PLCB1: variants seen among roughly 807,000 people sequenced by gnomAD.
PLCB1 encodes the protein phospholipase C beta 1, also known as 1-phosphatidylinositol 4,5-bisphosphate phosphodiesterase beta-1.
Under a neutral mutation model 161.8 loss-of-function variants are expected in PLCB1, and 46 were observed. That is an observed-to-expected ratio of 0.28 (90% CI 0.22 to 0.36). The LOEUF is 0.36. PLCB1 is among the 10% of genes least tolerant of loss of function. The probability of loss-of-function intolerance (pLI) is 1.00; values close to 1 mark genes in which losing one functional copy is unlikely to be tolerated. For synonymous variants in PLCB1, 517 were observed against 503.7 expected (o/e 1.03, Z -0.35); for missense variants, 1,016 against 1,472.5 (o/e 0.69, Z 5.07).
At chr20:8,549,590 T>G (rs1985701837) in intron 3 of PLCB1, among the ~76,000 whole-genome samples, 1 of 151,958 alleles carries the variant, frequency 6.6e-6, no homozygotes, top group Non-Finnish European at 1.5e-5. Flanking sequence ...TCTCATGAGG[T>G]CTATGTTTTT....
intron 2 of PLCB1, among the ~76,000 whole-genome samples, chr20:8,339,845 T>G (rs1002534658): frequency 2.6e-5 from 4 of 152,222 alleles, no homozygotes; most frequent in African/African-American, 9.6e-5. Flanking sequence ...GGCTCATGCC[T>G]GTAATCTCAG....
At chr20:8,365,168 A>G (rs1278578016) in intron 2 of PLCB1, among the ~76,000 whole-genome samples, 1 of 152,162 alleles carries the variant, frequency 6.6e-6, no homozygotes, top group African/African-American at 2.4e-5. Context: ...TGGCATCTGC[A>G]CCTGTGTTTG....
chr20:8,628,000 G>T (rs1201574490), intron 3 of PLCB1, among the ~76,000 whole-genome samples: 1 of 152,180 alleles, frequency 6.6e-6, no homozygotes, highest in Admixed American at 6.5e-5. Context: ...TTTATGGGAT[G>T]ATTGAAGGAA....
intron 3 of PLCB1, among the ~76,000 whole-genome samples, chr20:8,484,048 G>A (rs1183419408): frequency 6.6e-6 from 1 of 152,144 alleles, no homozygotes; most frequent in African/African-American, 2.4e-5. Flanking sequence ...TTTTTGAGAA[G>A]GAATTTTGCT....
At chr20:8,657,977 C>T (rs954918632) in intron 8 of PLCB1, among the ~76,000 whole-genome samples, 5 of 152,092 alleles carry the variant, frequency 3.3e-5, no homozygotes, top group African/African-American at 1.2e-4. Flanking sequence ...TCATTGCCAT[C>T]ATATATTTAC....
intron 3 of PLCB1, among the ~76,000 whole-genome samples, chr20:8,387,212 T>C (rs139647500): frequency 1.9e-3 from 287 of 152,352 alleles, no homozygotes; most frequent in African/African-American, 6.7e-3. Flanking sequence ...ATCTTGGCTT[T>C]TGACACGCCT....
intron 3 of PLCB1, among the ~76,000 whole-genome samples, chr20:8,385,790 G>A (rs1014770392): frequency 5.3e-5 from 8 of 152,178 alleles, no homozygotes; most frequent in African/African-American, 1.9e-4. Context: ...CTCTCAGGTG[G>A]ACCACCACAC....
intron 2 of PLCB1, among the ~76,000 whole-genome samples, chr20:8,338,836 T>A (rs906533948): frequency 3.3e-5 from 5 of 152,186 alleles, no homozygotes; most frequent in Admixed American, 1.3e-4. Flanking sequence ...AAATACCCAG[T>A]GATGACTATT....
intron 3 of PLCB1, among the ~76,000 whole-genome samples, chr20:8,480,282 C>T (rs1407928775): frequency 5.0e-5 from 7 of 141,304 alleles, no homozygotes. Context: ...TGATTAAGCT[C>T]ATATCCACCA....
At chr20:8,632,568 G>A (rs571877006) in intron 4 of PLCB1, among the ~76,000 whole-genome samples, 2 of 152,278 alleles carry the variant, frequency 1.3e-5, no homozygotes, top group East Asian at 1.9e-4. Context: ...TAGGGATGGA[G>A]AGTGCAGTGG....
chr20:8,146,654 CT>C (rs1217214826), intron 1 of PLCB1, among the ~76,000 whole-genome samples: 2 of 151,892 alleles, frequency 1.3e-5, no homozygotes, highest in Non-Finnish European at 2.9e-5. Context: ...TCCAGTGACT[CT>C]TTTTTTTCTT....
intron 2 of PLCB1, among the ~76,000 whole-genome samples, chr20:8,267,831 T>A (rs1192788498): frequency 6.6e-6 from 1 of 152,072 alleles, no homozygotes; most frequent in Non-Finnish European, 1.5e-5. Flanking sequence ...CATGACCAGT[T>A]TGATTGGCTC....
At chr20:8,135,761 A>T (rs757311423) in intron 1 of PLCB1, among the ~76,000 whole-genome samples, 5 of 152,200 alleles carry the variant, frequency 3.3e-5, no homozygotes, top group African/African-American at 7.2e-5. Flanking sequence ...AATGATATTT[A>T]AAAAATTCAA....
At chr20:8,685,425 T>C (rs929462936) in intron 10 of PLCB1, among the ~76,000 whole-genome samples, 8 of 152,084 alleles carry the variant, frequency 5.3e-5, no homozygotes, top group African/African-American at 1.7e-4. Flanking sequence ...TGTGTTCATC[T>C]ACATGACAGC....
intron 3 of PLCB1, among the ~76,000 whole-genome samples, chr20:8,383,976 G>A (rs1451377064): frequency 6.6e-6 from 1 of 152,046 alleles, no homozygotes; most frequent in African/African-American, 2.4e-5. Context: ...TTTTGACCTT[G>A]AAGAATCTGA....
chr20:8,612,784 A>G (rs974977091), intron 3 of PLCB1, among the ~76,000 whole-genome samples: 1 of 152,174 alleles, frequency 6.6e-6, no homozygotes, highest in African/African-American at 2.4e-5. Flanking sequence ...ACTTCTTTCT[A>G]TAAGAAGGAC....
intron 3 of PLCB1, among the ~76,000 whole-genome samples, chr20:8,510,990 G>A (rs1157170195): frequency 6.6e-6 from 1 of 151,844 alleles, no homozygotes; most frequent in Admixed American, 6.6e-5. Flanking sequence ...TCATTATTTT[G>A]TAGTGAGAAC....
chr20:8,366,213 A>G, intron 2 of PLCB1, among the ~76,000 whole-genome samples: 1 of 152,268 alleles, frequency 6.6e-6, no homozygotes, highest in East Asian at 1.9e-4. Context: ...TCTGTTTTCC[A>G]GCTTTGTGGA....
chr20:8,367,966 C>T (rs1397424163), intron 2 of PLCB1, among the ~76,000 whole-genome samples: 5 of 152,102 alleles, frequency 3.3e-5, no homozygotes, highest in African/African-American at 1.2e-4. Flanking sequence ...GCATTTCCAC[C>T]CAGGTCTTCC....
Sources: allele counts gnomAD v4.1 joint callset (sites outside exome capture counted in the v4.1 genomes callset), GRCh38; gene constraint gnomAD v4.1.1; transcripts MANE v1.5; gene names NCBI Gene and HGNC (gene_info 2026-07-23, HGNC 2026-07-21).